The following TTC16 variants were observed in gnomAD, a reference collection of about 807,000 sequenced individuals.
TTC16 encodes the protein tetratricopeptide repeat protein 16.
Under a neutral mutation model 80.4 loss-of-function variants are expected in TTC16, and 66 were observed. The ratio of observed to expected loss-of-function variants is 0.82; its 90% CI spans 0.67 to 1.01. TTC16 has a LOEUF of 1.01. Ranked by LOEUF, TTC16 falls within the 50% of genes least tolerant of loss-of-function variation. The probability of loss-of-function intolerance (pLI) is 0.00; values close to 1 mark genes in which losing one functional copy is unlikely to be tolerated. For synonymous variants in TTC16, 438 were observed against 451.3 expected, an observed-to-expected ratio of 0.97 and a Z score of 0.37; for missense variants, 1,070 against 1,103.2, an observed-to-expected ratio of 0.97 and a Z score of 0.43.
At chr9:127,725,763 C>A (rs1843905481) in intron 9 of TTC16, among the ~76,000 whole-genome samples, 1 of 151,812 alleles carries the variant, frequency 6.6e-6, no homozygotes, top group Non-Finnish European at 1.5e-5. Context: ...CCACGCCCAG[C>A]TAATTTTTGT....
intron 12 of TTC16, 41 bp downstream of exon 12, chr9:127,727,506 T>C (rs1029249796): frequency 2.6e-6 from 4 of 1,547,060 alleles, no homozygotes; most frequent in African/African-American, 1.4e-5. Flanking sequence ...CCTTGGGGTC[T>C]GGGGCACAGC....
At chr9:127,723,075 C>T in intron 6 of TTC16, 44 bp from the exon 7 acceptor site, 1 of 1,592,954 alleles carries the variant, frequency 6.3e-7, no homozygotes, top group Non-Finnish European at 8.5e-7. Flanking sequence ...GGTCCCGTGG[C>T]TCAGTTGGTC....
At chr9:127,726,580 G>A (rs1265064374) in intron 10 of TTC16, among the ~76,000 whole-genome samples, 176 bp downstream of exon 10, 1 of 152,058 alleles carries the variant, frequency 6.6e-6, no homozygotes, top group Non-Finnish European at 1.5e-5. Flanking sequence ...TTGAGGTCAG[G>A]AGTTCGAGAC....
intron 13 of TTC16, chr9:127,730,055 G>A (rs1564395393): frequency 8.4e-6 from 2 of 238,240 alleles, no homozygotes; most frequent in African/African-American, 2.3e-5. Flanking sequence ...GTCCTCGCTC[G>A]GGAGGCGAGT....
Position 127,716,093 on chromosome 9 carries a change from C to G in TTC16, c.-53C>G. On this transcript the variant is annotated 5_prime_UTR_variant, in exon 1 of 14. Transcript: ENST00000373289. ...TGATGGTGCCTAGCAACGTCAGGGC[C>G]AGGGCCGCGAGGTAGTTGGCAGAGG... The G allele has an allele frequency of 6.2e-7, 1 of 1,613,562 alleles. No homozygotes were observed. Among genetic ancestry groups the G allele is most frequent in the Non-Finnish European group, 8.5e-7 (1 of 1,179,816 alleles).
rs148801626 is a variant in TTC16 at position 127,727,403 on chromosome 9, A to G, written c.1702A>G (p.Ser568Gly). 1.5e-3 allele frequency: 2,346 copies of G among 1,610,982 alleles called. 2 individuals are homozygous for G. The highest frequency in any genetic ancestry group is 1.8e-3 in the Non-Finnish European group (2,073 of 1,179,176). The change falls in exon 12 of 14, where the codon AGC becomes GGC. Residue 568 changes from serine to glycine, a missense_variant. By Grantham distance (56) the Ser-to-Gly change is moderately conservative. Coordinates refer to ENST00000373289, the MANE Select transcript of TTC16 (RefSeq NM_144965.3). ...TPEIPQVKPG[S>G]SEGEAEAPEE... ...TGAGATTCCGCAGGTAAAACCGGGA[A>G]GCTCAGAGGGAGAGGCTGAGGCCCC... is the stretch of plus-strand genomic sequence containing the variant.
chr9:127,728,654 G>A (rs1241985794), intron 12 of TTC16: 1 of 152,250 alleles, frequency 6.6e-6, no homozygotes, highest in Non-Finnish European at 1.5e-5. Context: ...CATTAGCCAG[G>A]CATGGTGGTG....
rs146364931 is a variant in TTC16, at chr9:127,726,352, G to C, written c.1373G>C (p.Gly458Ala). 12,627 of 1,611,908 alleles carry C rather than the reference G, an allele frequency of 7.8e-3. 73 individuals are homozygous for C. The highest frequency in any genetic ancestry group is 9.9e-3 in the Non-Finnish European group (11,654 of 1,179,118). The change falls in exon 10 of 14, where the codon GGG becomes GCG. Residue 458 changes from glycine (G) to alanine (A), a missense_variant. Coordinates refer to ENST00000373289, the MANE Select transcript of TTC16 (RefSeq NM_144965.3). ...CGGCAGCTGCTGCAGAACATTTTTGGGGCCCGCCAGGATGTGGCCACTGTC... is the reference window on the plus strand; with the variant it reads ...CGGCAGCTGCTGCAGAACATTTTTGCGGCCCGCCAGGATGTGGCCACTGTC... ...KSRQLLQNIFGARQDVATVLL... is the reference protein window; with the variant it reads ...KSRQLLQNIFAARQDVATVLL...
At position 127,731,348 on chromosome 9, in the gene TTC16, C is replaced by A. The variant is rs145009004; in HGVS notation, c.2565C>A (p.Ser855Arg). 1.4e-3 allele frequency: 2,277 copies of A among 1,612,982 alleles called. 40 individuals carry two copies. In the South Asian group the frequency reaches 0.024, roughly 17 times the overall value. ...AGGCCGAGTCCACCTGGGGACCCAG[C>A]CCAAGTCTCAGCAAAACTGAGGTTG... ...SSKAESTWGP[S>R]PSLSKTEVDQ... Residue 855 changes from serine (S) to arginine (R), a missense_variant, in exon 14 of 14, where the codon AGC becomes AGA. Coordinates refer to ENST00000373289, the MANE Select transcript of TTC16 (RefSeq NM_144965.3).
intron 12 of TTC16, chr9:127,728,369 T>G (rs940689779): frequency 1.3e-5 from 2 of 152,262 alleles, no homozygotes; most frequent in South Asian, 2.1e-4. Context: ...TCGCTGGTGC[T>G]GCAGAATATT....
chr9:127,727,318 G>A lies in TTC16; in HGVS notation c.1617G>A (p.Gln539=), dbSNP rs139726698. 31 of 1,597,784 alleles carry A rather than the reference G, an allele frequency of 1.9e-5. No homozygotes were observed. The African/African-American group carries it at 3.5e-4, about 18-fold the overall frequency. ...ELERQKALAL[Q]HSWKQGEPLI... is the part of the protein sequence containing the mutation. ...AGCGCCAGAAGGCCTTGGCCCTGCAGCACTCATGGAAGCAGGGGGAGCCTT... is the reference window on the plus strand; with the variant it reads ...AGCGCCAGAAGGCCTTGGCCCTGCAACACTCATGGAAGCAGGGGGAGCCTT... Residue 539 remains glutamine (Q), a synonymous_variant, in exon 12 of 14, where the codon CAG becomes CAA. Coordinates refer to ENST00000373289, the MANE Select transcript of TTC16 (RefSeq NM_144965.3).
At chr9:127,724,493 G>A in intron 8 of TTC16, 129 bp downstream of exon 8, 1 of 1,291,788 alleles carries the variant, frequency 7.7e-7, no homozygotes, top group Non-Finnish European at 1.1e-6. Flanking sequence ...AAGGGAAGAG[G>A]AAATGTAATA....
rs751299245 is a variant in TTC16 at position 127,724,790 on chromosome 9, C to T, written c.1152C>T (p.Ala384=). The part of the protein sequence containing the change: ...CFFQLGNLAF[A]EADYQQALAL... ...TCCAGCTGGGCAACCTGGCCTTTGC[C>T]GAGGCGGACTACCAGCAGGCGCTGG... Residue 384 remains alanine, a synonymous_variant, in exon 9 of 14, where the codon GCC becomes GCT. Coordinates refer to ENST00000373289, the MANE Select transcript of TTC16 (RefSeq NM_144965.3). The T allele has an allele frequency of 3.7e-6, 6 of 1,610,634 alleles. No homozygotes were observed. Among genetic ancestry groups the T allele is most frequent in the Non-Finnish European group, 4.2e-6 (5 of 1,179,326 alleles).
intron 12 of TTC16, 21 bp downstream of exon 12, chr9:127,727,486 G>A (rs370318250): frequency 2.6e-6 from 4 of 1,551,734 alleles, no homozygotes; most frequent in Non-Finnish European, 3.5e-6. Context: ...TACAGGCCAG[G>A]GCTCGGAGCC....
chr9:127,721,044 G>A (rs541796014), intron 6 of TTC16, among the ~76,000 whole-genome samples: 2 of 149,462 alleles, frequency 1.3e-5, no homozygotes, highest in East Asian at 4.1e-4. Context: ...CACAACCTGG[G>A]CTGGGCACAG....
intron 13 of TTC16, chr9:127,730,167 A>G: frequency 4.4e-6 from 1 of 226,270 alleles, no homozygotes; most frequent in Non-Finnish European, 8.8e-6. Flanking sequence ...TGACTGGCAT[A>G]GTCCTTGCCC....
chr9:127,727,795 G>A (rs1303560269), intron 12 of TTC16: 1 of 160,624 alleles, frequency 6.2e-6, no homozygotes, highest in East Asian at 1.1e-4. Flanking sequence ...GTCTTGCTCT[G>A]TCAACCTAGG....
At position 127,731,317 on chromosome 9, in the gene TTC16, C is replaced by T. The variant is rs763992711; in HGVS notation, c.2534C>T (p.Ser845Phe). The part of the protein sequence containing the change: ...QGKSQGMSST[S>F]SKAESTWGPS... ...AAGAGCCAGGGCATGAGCTCAACTT[C>T]CAGCAAGGCCGAGTCCACCTGGGGA... The change falls in exon 14 of 14, where the codon TCC (serine) becomes TTC (phenylalanine). Residue 845 changes from serine (S) to phenylalanine (F), a missense_variant. Ser to Phe is a radical substitution (Grantham distance 155). Coordinates refer to ENST00000373289, the MANE Select transcript of TTC16 (RefSeq NM_144965.3). 4 of 1,613,010 alleles carry T rather than the reference C, an allele frequency of 2.5e-6. No individual in the cohort carries two copies. In the African/African-American group the frequency reaches 4.0e-5, roughly 16 times the overall value.
At chr9:127,730,597 C>T (rs752813417) in intron 13 of TTC16, 39 bp from the exon 14 acceptor site, 7 of 1,595,456 alleles carry the variant, frequency 4.4e-6, no homozygotes, top group East Asian at 2.2e-5. Context: ...AGGGCAGGTG[C>T]GGCAGGCCTG....
Sources: gnomAD v4.1 joint callset for allele counts (sites outside exome capture counted in the v4.1 genomes callset) on GRCh38, gnomAD v4.1.1 for gene constraint, MANE v1.5 for transcripts, NCBI Gene and HGNC (gene_info 2026-07-23, HGNC 2026-07-21) for gene names.